The following ABL1 variants were observed in gnomAD, a reference collection of about 807,000 sequenced individuals.
ABL1 encodes ABL proto-oncogene 1, non-receptor tyrosine kinase, also known as tyrosine-protein kinase ABL1.
ABL1 carries 11 observed loss-of-function variants against 94.7 expected under a neutral mutation model. That is an observed-to-expected ratio of 0.12 (90% CI 0.07 to 0.19). The LOEUF is 0.19. ABL1 is among the 10% of genes least tolerant of loss of function. ABL1 has a pLI of 1.00. For synonymous variants in ABL1, 656 were observed against 622.4 expected (o/e 1.05, Z -0.80); for missense variants, 1,082 against 1,489.4 (o/e 0.73, Z 4.50).
At position 130,823,639 on chromosome 9, in the gene ABL1, A is replaced by G. The variant is rs559248610; in HGVS notation, c.137-30425A>G. On this transcript the variant is annotated intron_variant, in intron 1 of 10. Coordinates refer to the ABL1 transcript ENST00000372348. The stretch of plus-strand genomic sequence containing the variant: ...CCCTCACAGGCAGTGGACACCAGAA[A>G]GAGGAGAGGGAGTGCGTGCCTGTTG... 1.5e-4 allele frequency among the ~76,000 whole-genome samples: 23 copies of G among 152,282 alleles called. No homozygotes were observed. In the South Asian group the frequency reaches 4.6e-3, roughly 30 times the overall value.
At chr9:130,802,641 CATT>C (rs1465627935) in intron 1 of ABL1, among the ~76,000 whole-genome samples, 1 of 152,170 alleles carries the variant, frequency 6.6e-6, no homozygotes, top group Non-Finnish European at 1.5e-5. Context: ...TATACTGCTT[CATT>C]GAGATGATTA....
chr9:130,827,092 A>T (rs1002280507), intron 1 of ABL1, among the ~76,000 whole-genome samples: 1 of 152,170 alleles, frequency 6.6e-6, no homozygotes, highest in African/African-American at 2.4e-5. Flanking sequence ...AAAAAAAAGA[A>T]AAGAAATGCC....
chr9:130,756,550 AT>A (rs764983709), intron 1 of ABL1, among the ~76,000 whole-genome samples: 1 of 151,976 alleles, frequency 6.6e-6, no homozygotes, highest in Non-Finnish European at 1.5e-5. Flanking sequence ...TTACTCTGAC[AT>A]TTTCTCTTCA....
chr9:130,750,659 T>C (rs1831952834), intron 1 of ABL1, among the ~76,000 whole-genome samples: 1 of 139,002 alleles, frequency 7.2e-6, no homozygotes, highest in Admixed American at 7.2e-5. Flanking sequence ...TTTTTTTTTT[T>C]TTTTTGAGAC....
Position 130,885,902 on chromosome 9 carries a change from G to A in ABL1, c.*219G>A. 1 of 606,090 alleles carries A rather than the reference G, an allele frequency of 1.6e-6. No individual in the cohort carries two copies. 37.5% of individuals were successfully genotyped at this position (606,090 alleles called of 1,614,324 possible). On this transcript the variant is annotated 3_prime_UTR_variant, in exon 11 of 11. Transcript: ENST00000318560. ...CCTTCCTCCTCCCCGCTCCGTCTCT[G>A]TCCTCGAATTTTATCTGTGGAGTTC...
intron 1 of ABL1, among the ~76,000 whole-genome samples, chr9:130,765,847 G>A (rs949929622): frequency 4.6e-5 from 7 of 152,174 alleles, no homozygotes; most frequent in African/African-American, 1.7e-4. Flanking sequence ...TAATAGGCAG[G>A]TTTTCTTAAT....
rs542951572 is a variant in ABL1 at position 130,858,557 on chromosome 9, C to T, written c.549+3461C>T. Among the ~76,000 whole-genome samples the T allele has an allele frequency of 2.9e-4, 44 of 152,214 alleles. No homozygotes were observed. The South Asian group carries it at 7.3e-3, about 25-fold the overall frequency. ...TGCGGAGGTTCCTTCCTGTGAGGGC[C>T]GCACTCGAGGGGGTGTATTGGGTGG... On this transcript the variant is annotated intron_variant, in intron 3 of 10. Coordinates refer to ENST00000318560, the MANE Select transcript of ABL1 (RefSeq NM_005157.6).
chr9:130,776,829 C>T lies in ABL1; in HGVS notation c.136+62374C>T, dbSNP rs541628652. Among the ~76,000 whole-genome samples the T allele has an allele frequency of 6.8e-4, 104 of 152,178 alleles. No homozygotes were observed. The South Asian group carries it at 0.01, about 15-fold the overall frequency. ...CTGGTCCCAAACCCCTGGGCTCAAG[C>T]GATCCTTCTGTCGCGGCCTCCCAGA... On this transcript the variant is annotated intron_variant, in intron 1 of 10. Transcript: ENST00000372348.
At chr9:130,815,649 CA>C (rs1359496241) in intron 1 of ABL1, among the ~76,000 whole-genome samples, 3 of 152,084 alleles carry the variant, frequency 2.0e-5, no homozygotes, top group African/African-American at 7.2e-5. Flanking sequence ...CTACAGCAGC[CA>C]GAGCTAATCA....
At chr9:130,770,831 C>T (rs537708076) in intron 1 of ABL1, among the ~76,000 whole-genome samples, 3 of 152,226 alleles carry the variant, frequency 2.0e-5, no homozygotes, top group South Asian at 4.2e-4. Flanking sequence ...GTTGTAGACC[C>T]GGTACTATCA....
At chr9:130,824,354 T>C (rs1830399858) in intron 1 of ABL1, among the ~76,000 whole-genome samples, 1 of 152,184 alleles carries the variant, frequency 6.6e-6, no homozygotes. Flanking sequence ...CCTTCCTTTT[T>C]CTGTTTTTTT....
chr9:130,819,316 T>G (rs945982395), intron 1 of ABL1, among the ~76,000 whole-genome samples: 31 of 152,072 alleles, frequency 2.0e-4, no homozygotes, highest in African/African-American at 7.2e-4. Flanking sequence ...ATTGTGCCAC[T>G]GCACTCCAGC....
chr9:130,740,819 ATT>A (rs34323373), intron 1 of ABL1, among the ~76,000 whole-genome samples: 3 of 97,798 alleles, frequency 3.1e-5, no homozygotes, highest in Non-Finnish European at 1.9e-5. Flanking sequence ...CCACACCCAG[ATT>A]TTTTTTTTTT....
chr9:130,733,043 T>A (rs1703139840), intron 1 of ABL1, among the ~76,000 whole-genome samples: 1 of 152,194 alleles, frequency 6.6e-6, no homozygotes, highest in Admixed American at 6.5e-5. Context: ...TAGAGATATT[T>A]GTATGAGAAT....
intron 1 of ABL1, among the ~76,000 whole-genome samples, chr9:130,787,124 C>G (rs1829837730): frequency 6.6e-6 from 1 of 152,138 alleles, no homozygotes; most frequent in African/African-American, 2.4e-5. Flanking sequence ...CATAATACAC[C>G]TTTTCCCATC....
intron 10 of ABL1, among the ~76,000 whole-genome samples, chr9:130,883,006 C>G (rs1831489660): frequency 6.6e-6 from 1 of 152,062 alleles, no homozygotes. Context: ...CCACCCCATG[C>G]TCCCCAGAGG....
rs1831107951 is a variant in ABL1 at position 130,863,415 on chromosome 9, A to C, written c.822+380A>C. 6.6e-6 allele frequency among the ~76,000 whole-genome samples: 1 copy of C among 152,112 alleles called. No homozygotes were observed. Among genetic ancestry groups the C allele is most frequent in the South Asian group, 2.1e-4 (1 of 4,824 alleles). ...AGGAAAAAAAGATCTCTGAGTTTTG[A>C]AAGAAGATTTAACCAAAATGCATTT... On this transcript the variant is annotated intron_variant, in intron 4 of 10. Transcript: ENST00000318560. This position sits in a 1 kb window ranked among gnomAD's most constrained non-coding sequence, Gnocchi z 4.3.
Position 130,863,142 on chromosome 9 carries a change from C to A in ABL1, c.822+107C>A. 1 of 1,308,660 alleles carries A rather than the reference C, an allele frequency of 7.6e-7. No individual in the cohort carries two copies. The highest frequency in any genetic ancestry group is 1.0e-6 in the Non-Finnish European group (1 of 971,328). 81.1% of individuals were successfully genotyped at this position (1,308,660 alleles called of 1,614,324 possible). On this transcript the variant is annotated intron_variant, in intron 4 of 10. Coordinates refer to ENST00000318560, the MANE Select transcript of ABL1 (RefSeq NM_005157.6). The surrounding 1 kb of genome is among the most constrained non-coding windows in gnomAD (Gnocchi z 4.3). ...CTACCTCCTGCCTGCTGTCCGAGGG[C>A]TTCATTGGCGCCACGGAATTGACTT... is the stretch of plus-strand genomic sequence containing the variant.
intron 1 of ABL1, among the ~76,000 whole-genome samples, chr9:130,823,334 T>C (rs1349786464): frequency 6.6e-6 from 1 of 152,160 alleles, no homozygotes; most frequent in Non-Finnish European, 1.5e-5. Context: ...ATTAACAGTT[T>C]TCAATGGAGA....
Sources: allele counts gnomAD v4.1 joint callset (sites outside exome capture counted in the v4.1 genomes callset), GRCh38; gene constraint gnomAD v4.1.1; non-coding constraint Gnocchi (gnomAD v3.1); transcripts MANE v1.5; gene names NCBI Gene and HGNC (gene_info 2026-07-23, HGNC 2026-07-21).